USH2A: variants seen among roughly 807,000 people sequenced by gnomAD.
USH2A encodes Usher syndrome 2A (autosomal recessive, mild).
A neutral mutation model predicts 538.9 loss-of-function variants in USH2A; 443 were observed. The observed-to-expected ratio is 0.82, with a 90% confidence interval of 0.76 to 0.89. The LOEUF (loss-of-function observed/expected upper bound fraction) is 0.89. USH2A is among the 40% of genes least tolerant of loss of function. USH2A has a pLI of 0.00. For synonymous variants in USH2A, 2,413 were observed against 2,273.5 expected, an observed-to-expected ratio of 1.06 and a Z score of -1.75; for missense variants, 6,633 against 6,324.8, an observed-to-expected ratio of 1.05 and a Z score of -1.65.
intron 3 of USH2A, among the ~76,000 whole-genome samples, chr1:216,384,364 A>G (rs955186004): frequency 6.6e-6 from 1 of 152,068 alleles, no homozygotes; most frequent in Non-Finnish European, 1.5e-5. Flanking sequence ...GTAAGGTAAG[A>G]TAAGTACGAG....
At chr1:215,812,233 G>A (rs1401214295) in intron 49 of USH2A, among the ~76,000 whole-genome samples, 1 of 151,870 alleles carries the variant, frequency 6.6e-6, no homozygotes, top group African/African-American at 2.4e-5. Context: ...TGATCCACCC[G>A]CCTCAGCCTC....
chr1:216,083,248 G>C, intron 26 of USH2A: 1 of 469,156 alleles, frequency 2.1e-6, no homozygotes, highest in South Asian at 3.1e-5. Flanking sequence ...AATTATAATT[G>C]TTACAATTGT....
At chr1:216,301,268 G>A (rs761397177) in intron 9 of USH2A, among the ~76,000 whole-genome samples, 3 of 152,264 alleles carry the variant, frequency 2.0e-5, no homozygotes, top group Non-Finnish European at 4.4e-5. Context: ...AAGGCTGGGG[G>A]CTAGGGAGAA....
rs770376106 is a variant in USH2A, at chr1:215,867,132, C to T, written c.8720G>A (p.Ser2907Asn). ...TYEYMLFVHN[S>N]VGFTPSREVT... ...TTCTCGGCTCGGTGTAAAACCCACACTGTTGTGTACGAAGAGCATATATTC... is the reference window on the plus strand; with the variant it reads ...TTCTCGGCTCGGTGTAAAACCCACATTGTTGTGTACGAAGAGCATATATTC... The change falls in exon 44 of 72, where the codon AGT becomes AAT. Residue 2907 changes from serine to asparagine, a missense_variant. Ser to Asn is a conservative substitution (Grantham distance 46). Transcript: ENST00000307340. 1.2e-6 allele frequency: 2 copies of T among 1,614,086 alleles called. No homozygotes were observed. The highest frequency in any genetic ancestry group is 1.3e-5 in the African/African-American group (1 of 75,022).
At chr1:216,202,154 A>G (rs1410365550) in intron 16 of USH2A, among the ~76,000 whole-genome samples, 1 of 152,256 alleles carries the variant, frequency 6.6e-6, no homozygotes, top group Non-Finnish European at 1.5e-5. Context: ...AAAAGAAAAA[A>G]ATAAATTTCA....
chr1:215,685,899 G>A (rs879654102), intron 61 of USH2A, among the ~76,000 whole-genome samples: 2 of 152,018 alleles, frequency 1.3e-5, no homozygotes, highest in Non-Finnish European at 2.9e-5. Flanking sequence ...CAGCAAACAC[G>A]TACATGCAGA....
chr1:216,282,555 G>C (rs1066190), intron 11 of USH2A, among the ~76,000 whole-genome samples: 152,291 of 152,346 alleles, frequency 1, 76,118 homozygotes, highest in Non-Finnish European at 1. Flanking sequence ...GGGCTTATTT[G>C]TAAATTCTCA....
At position 215,813,790 on chromosome 1, in the gene USH2A, C is replaced by T; in HGVS notation, c.9685G>A (p.Glu3229Lys). 1 of 1,613,954 alleles carries T rather than the reference C, an allele frequency of 6.2e-7. No homozygotes were observed. The highest frequency in any genetic ancestry group is 8.5e-7 in the Non-Finnish European group (1 of 1,179,882). The change falls in exon 49 of 72, where the codon GAG (glutamate) becomes AAG (lysine). Residue 3229 changes from glutamate (E) to lysine (K), a missense_variant. Physicochemically the swap from Glu to Lys is moderately conservative, Grantham distance 56. Transcript: ENST00000307340. The part of the protein sequence containing the change: ...TGVCCGGRIQ[E>K]AQPNHQCCSG... Reference sequence around the variant, plus strand: ...CAGCACTGATGATTTGGTTGTGCCTCCTGTATTCGGCCACCACAACAAACT... The same window carrying T: ...CAGCACTGATGATTTGGTTGTGCCTTCTGTATTCGGCCACCACAACAAACT...
chr1:215,956,743 A>G (rs1206823069), intron 37 of USH2A, among the ~76,000 whole-genome samples: 1 of 152,194 alleles, frequency 6.6e-6, no homozygotes, highest in Non-Finnish European at 1.5e-5. Context: ...AAAATAGCCA[A>G]TTAGATATCA....
chr1:216,245,720 T>C (rs892531360), intron 13 of USH2A, among the ~76,000 whole-genome samples: 3 of 152,204 alleles, frequency 2.0e-5, no homozygotes, highest in Non-Finnish European at 4.4e-5. Context: ...TCTTACACAC[T>C]GACCAATGCC....
intron 55 of USH2A, among the ~76,000 whole-genome samples, chr1:215,767,863 T>G (rs895642868): frequency 6.6e-6 from 1 of 152,134 alleles, no homozygotes; most frequent in Non-Finnish European, 1.5e-5. Context: ...AAGACATCTC[T>G]CTCTTGACTC....
At chr1:215,932,816 A>G (rs368219771) in intron 38 of USH2A, among the ~76,000 whole-genome samples, 2 of 152,040 alleles carry the variant, frequency 1.3e-5, no homozygotes, top group African/African-American at 4.8e-5. Flanking sequence ...GCCTCAGTTA[A>G]TGGTTTACTC....
intron 35 of USH2A, among the ~76,000 whole-genome samples, chr1:215,978,577 T>A (rs73092468): frequency 0.018 from 2,776 of 152,216 alleles, 80 homozygotes; most frequent in African/African-American, 0.063. Context: ...TTTATGGAAG[T>A]AAGAAAAGAG....
At position 216,154,837 on chromosome 1, in the gene USH2A, A is replaced by G. The variant is rs114283776; in HGVS notation, c.4627+20415T>C. 4.3e-3 allele frequency among the ~76,000 whole-genome samples: 630 copies of G among 146,742 alleles called. 3 individuals carry two copies. Among genetic ancestry groups the G allele is most frequent in the Non-Finnish European group, 5.1e-3 (339 of 67,078 alleles). ...TTAATCAATTCACCTACTGATGGAT[A>G]TTTGAGTTGTTTCCAGTTTCTGGCT... On this transcript the variant is annotated intron_variant, in intron 21 of 71. Coordinates refer to ENST00000307340, the MANE Select transcript of USH2A (RefSeq NM_206933.4).
At chr1:216,146,039 C>G (rs528079130) in intron 21 of USH2A, among the ~76,000 whole-genome samples, 1 of 152,186 alleles carries the variant, frequency 6.6e-6, no homozygotes, top group Admixed American at 6.5e-5. Context: ...TCTCTTCACA[C>G]GGACGCGCAT....
intron 60 of USH2A, 116 bp downstream of exon 60, chr1:215,741,257 AAC>A: frequency 1.5e-6 from 2 of 1,294,916 alleles, no homozygotes; most frequent in Non-Finnish European, 2.2e-6. Flanking sequence ...AACAAAAAAA[AAC>A]ACAACATGAA....
intron 70 of USH2A, chr1:215,630,073 GT>G: frequency 1.9e-6 from 1 of 513,094 alleles, no homozygotes; most frequent in Non-Finnish European, 3.9e-6. Flanking sequence ...CACTCATGTT[GT>G]TCAGCTTTCC....
At chr1:215,701,827 A>T (rs1350653590) in intron 61 of USH2A, among the ~76,000 whole-genome samples, 1 of 152,114 alleles carries the variant, frequency 6.6e-6, no homozygotes, top group Non-Finnish European at 1.5e-5. Context: ...TTTAAGGTTA[A>T]TATTGTTATG....
chr1:216,290,200 C>G (rs1325966806), intron 10 of USH2A, among the ~76,000 whole-genome samples: 2 of 152,044 alleles, frequency 1.3e-5, no homozygotes, highest in Non-Finnish European at 2.9e-5. Context: ...ACATGATGTA[C>G]TTTGCTCAAA....
Sources: gnomAD v4.1 joint callset for allele counts (sites outside exome capture counted in the v4.1 genomes callset) on GRCh38, gnomAD v4.1.1 for gene constraint, MANE v1.5 for transcripts, NCBI Gene and HGNC (gene_info 2026-07-23, HGNC 2026-07-21) for gene names.